SAMSN1: variants seen among roughly 807,000 people sequenced by gnomAD.
SAMSN1 encodes the protein SAM domain, SH3 domain and nuclear localization signals 1.
In SAMSN1, 31 loss-of-function variants were observed where a neutral mutation model predicts 42.0. The observed-to-expected ratio is 0.74, with a 90% CI of 0.55 to 1.00. The LOEUF (loss-of-function observed/expected upper bound fraction) is 1.00. SAMSN1 is among the 50% of genes least tolerant of loss of function. The pLI is 0.00. For missense variants in SAMSN1, 464 were observed against 439.4 expected (o/e 1.06, Z -0.50); for synonymous variants, 178 against 151.9 (o/e 1.17, Z -1.26).
chr21:14,574,757 A>G (rs1193239934), intron 2 of SAMSN1, among the ~76,000 whole-genome samples: 1 of 152,158 alleles, frequency 6.6e-6, no homozygotes, highest in African/African-American at 2.4e-5. Context: ...ATTGGAAAAG[A>G]CACTTAAACA....
At chr21:14,533,513 T>C (rs1401803980) in intron 1 of SAMSN1, among the ~76,000 whole-genome samples, 1 of 152,176 alleles carries the variant, frequency 6.6e-6, no homozygotes, top group Non-Finnish European at 1.5e-5. Flanking sequence ...AGCTCAATCC[T>C]TTTAGGAAGA....
chr21:14,526,422 G>T lies in SAMSN1; in HGVS notation c.58-5201C>A, dbSNP rs552501736. 3.9e-5 allele frequency among the ~76,000 whole-genome samples: 6 copies of T among 152,258 alleles called. 1 individual carries two copies. The highest frequency in any genetic ancestry group is 1.4e-4 in the African/African-American group (6 of 41,538). On this transcript the variant is annotated intron_variant, in intron 1 of 7. Transcript: ENST00000400566. ...TACCCAAAAATAGTACAGAACCAGG[G>T]TCAGCTGGGGTGTTTGAACACATTT...
chr21:14,503,631 C>G (rs1365735483), intron 5 of SAMSN1, among the ~76,000 whole-genome samples: 3 of 152,024 alleles, frequency 2.0e-5, no homozygotes, highest in Non-Finnish European at 2.9e-5. Context: ...GGAATATCAC[C>G]AGGAGAAAGG....
At chr21:14,640,812 G>A (rs1193994296) in intron 2 of SAMSN1, among the ~76,000 whole-genome samples, 1 of 151,998 alleles carries the variant, frequency 6.6e-6, no homozygotes, top group African/African-American at 2.4e-5. Context: ...CAGTATGCCT[G>A]TATACATACA....
At position 14,589,436 on chromosome 21, in the gene SAMSN1, G is replaced by A. The variant is rs1263983361; in HGVS notation, c.465+4577C>T. Among the ~76,000 whole-genome samples, 3 of 151,698 alleles carry A rather than the reference G, an allele frequency of 2.0e-5. No individual in the cohort carries two copies. The East Asian group carries it at 5.8e-4, about 29-fold the overall frequency. ...CAAATTAAGACCAACCAAATTCAGGGAATTTATTTGGAGGTTAAATATGGC... is the reference window on the plus strand; with the variant it reads ...CAAATTAAGACCAACCAAATTCAGGAAATTTATTTGGAGGTTAAATATGGC... On this transcript the variant is annotated intron_variant, in intron 7 of 15. Transcript: ENST00000647101.
At chr21:14,651,960 C>G (rs1351800781) in intron 1 of SAMSN1, among the ~76,000 whole-genome samples, 1 of 151,654 alleles carries the variant, frequency 6.6e-6, no homozygotes, top group Non-Finnish European at 1.5e-5. Flanking sequence ...TGAAAGATCT[C>G]TATAATAAAA....
At chr21:14,609,013 G>T (rs1982634123) in intron 5 of SAMSN1, among the ~76,000 whole-genome samples, 1 of 151,690 alleles carries the variant, frequency 6.6e-6, no homozygotes, top group African/African-American at 2.4e-5. Context: ...CTCCTAATTT[G>T]CTCTCCTGGA....
chr21:14,502,759 A>G (rs984600128), intron 5 of SAMSN1, among the ~76,000 whole-genome samples: 2 of 152,148 alleles, frequency 1.3e-5, no homozygotes, highest in African/African-American at 4.8e-5. Context: ...CATATACATA[A>G]CTAAGGAGCT....
intron 5 of SAMSN1, among the ~76,000 whole-genome samples, chr21:14,505,717 A>T (rs1987368931): frequency 6.6e-6 from 1 of 152,186 alleles, no homozygotes; most frequent in Admixed American, 6.5e-5. Flanking sequence ...CAAAGAAGCA[A>T]TGGATTTAAA....
chr21:14,567,289 C>T (rs1308313137), intron 2 of SAMSN1, among the ~76,000 whole-genome samples: 3 of 125,580 alleles, frequency 2.4e-5, no homozygotes, highest in Admixed American at 9.0e-5. Flanking sequence ...CCGGCTTGGA[C>T]GGCAAGCTTG....
intron 2 of SAMSN1, among the ~76,000 whole-genome samples, 177 bp from the exon 3 acceptor site, chr21:14,517,218 G>A (rs1987958189): frequency 1.3e-5 from 2 of 152,292 alleles, no homozygotes; most frequent in African/African-American, 4.8e-5. Flanking sequence ...TCCAGCCCTG[G>A]TTGCTTGTGT....
At chr21:14,626,392 C>A (rs1983172140) in intron 2 of SAMSN1, among the ~76,000 whole-genome samples, 1 of 152,060 alleles carries the variant, frequency 6.6e-6, no homozygotes, top group Non-Finnish European at 1.5e-5. Context: ...TGACAAAGGG[C>A]TAATATCCAG....
chr21:14,558,174 T>A (rs982460278), intron 2 of SAMSN1, among the ~76,000 whole-genome samples: 1 of 152,194 alleles, frequency 6.6e-6, no homozygotes, highest in African/African-American at 2.4e-5. Context: ...CAGGAAATGG[T>A]TGTTGAATAA....
At position 14,646,517 on chromosome 21, in the gene SAMSN1, G is replaced by A. The variant is rs150272604; in HGVS notation, c.25-3384C>T. ...GGTCAGTCCTATAAGAAATGCTAAA[G>A]GGAGTACTTCAATCAGAAAGAAAAG... is the stretch of plus-strand genomic sequence containing the variant. On this transcript the variant is annotated intron_variant, in intron 1 of 15. Coordinates refer to the SAMSN1 transcript ENST00000647101. Among the ~76,000 whole-genome samples the A allele has an allele frequency of 7.2e-5, 11 of 152,274 alleles. No homozygotes were observed. In the East Asian group the frequency reaches 2.1e-3, roughly 29 times the overall value.
intron 2 of SAMSN1, among the ~76,000 whole-genome samples, chr21:14,621,651 C>T (rs937498430): frequency 5.9e-5 from 9 of 152,134 alleles, no homozygotes; most frequent in South Asian, 4.1e-4. Flanking sequence ...TGGAGCCCAC[C>T]GCAGCTCAAG....
chr21:14,641,492 C>A (rs1379725977), intron 2 of SAMSN1, among the ~76,000 whole-genome samples: 1 of 152,138 alleles, frequency 6.6e-6, no homozygotes, highest in African/African-American at 2.4e-5. Flanking sequence ...GAGTTTGTAT[C>A]CTGGTGCATC....
intron 7 of SAMSN1, among the ~76,000 whole-genome samples, chr21:14,490,389 G>A (rs1218925877): frequency 6.6e-6 from 1 of 152,092 alleles, no homozygotes; most frequent in East Asian, 1.9e-4. Context: ...GCAAAACCCA[G>A]GGATACACAT....
chr21:14,644,216 C>G (rs1447596538), intron 1 of SAMSN1, among the ~76,000 whole-genome samples: 2 of 152,108 alleles, frequency 1.3e-5, no homozygotes, highest in Non-Finnish European at 2.9e-5. Flanking sequence ...AGGCATCACC[C>G]TGCCCCTAAC....
intron 6 of SAMSN1, among the ~76,000 whole-genome samples, chr21:14,600,643 C>T (rs1242594733): frequency 6.6e-6 from 1 of 152,146 alleles, no homozygotes; most frequent in Non-Finnish European, 1.5e-5. Context: ...TTCCACGAAA[C>T]GGGTCTATTT....
Sources: gnomAD v4.1 joint callset for allele counts (sites outside exome capture counted in the v4.1 genomes callset) on GRCh38, gnomAD v4.1.1 for gene constraint, MANE v1.5 for transcripts, NCBI Gene and HGNC (gene_info 2026-07-23, HGNC 2026-07-21) for gene names.